The following PAQR3 variants were observed in gnomAD, a reference collection of about 807,000 sequenced individuals.
The protein encoded by PAQR3 is progestin and adipoQ receptor family member 3.
A neutral mutation model predicts 41.7 loss-of-function variants in PAQR3; 39 were observed. That is an observed-to-expected ratio of 0.93 (90% CI 0.72 to 1.22). PAQR3 has a LOEUF of 1.22. PAQR3 is among the 50% of genes most tolerant of loss of function. The pLI is 0.00. For missense variants in PAQR3, 366 were observed against 385.6 expected (o/e 0.95, Z 0.42); for synonymous variants, 140 against 140.6 (o/e 1.00, Z 0.03).
intron 11 of PAQR3, among the ~76,000 whole-genome samples, chr4:78,899,875 C>T (rs1420294979): frequency 2.6e-5 from 4 of 151,994 alleles, no homozygotes; most frequent in Non-Finnish European, 5.9e-5. Flanking sequence ...TCCAAGAGTC[C>T]AGCTGTGCTG....
chr4:78,930,018 G>A (rs1362685836), intron 3 of PAQR3, 152 bp downstream of exon 3: 3 of 610,526 alleles, frequency 4.9e-6, no homozygotes, highest in Admixed American at 3.7e-5. Context: ...AGATGACAGG[G>A]CCATTCTGAA....
At chr4:78,938,929 G>C in intron 1 of PAQR3, 111 bp downstream of exon 1, 1 of 1,057,444 alleles carries the variant, frequency 9.5e-7, no homozygotes. Context: ...AGGATGGGGC[G>C]GCGAGGAAAT....
At chr4:78,910,430 C>G (rs535978780), downstream of PAQR3, among the ~76,000 whole-genome samples, 1 of 152,304 alleles carries the variant, frequency 6.6e-6, no homozygotes, top group Middle Eastern at 3.4e-3. Context: ...ACTTAACTAT[C>G]TACCTGAGGT....
rs1344765108 is a variant in PAQR3 at position 78,915,497 on chromosome 4, T to C, written c.*5042A>G. ...TTTTTTCTTTTTAGCAAACTTGTTA[T>C]TTTAGGTCCAATTATTGAGTTGACA... On this transcript the variant is annotated 3_prime_UTR_variant, in exon 6 of 6. Coordinates refer to ENST00000512733, the MANE Select transcript of PAQR3 (RefSeq NM_001040202.2). 1.3e-5 allele frequency: 2 copies of C among 151,940 alleles called. No homozygotes were observed. The highest frequency in any genetic ancestry group is 3.8e-4 in the East Asian group (2 of 5,206). The allele number at this position is 151,940 out of a possible 1,614,324, so 9.4% of individuals were successfully genotyped here. A position where few individuals can be genotyped will look rare whatever the true frequency, so the allele number is the denominator to read the frequency against.
rs769947806 is a variant in PAQR3, at chr4:78,930,309, G to A, written c.365C>T (p.Ser122Phe). Residue 122 changes from serine (S) to phenylalanine (F), a missense_variant, in exon 3 of 6, where the codon TCT becomes TTT. Ser to Phe is a radical substitution (Grantham distance 155). Transcript: ENST00000512733. Reference sequence around the variant, plus strand: ...GCAGGAAAAAAGATGATAGCCCACAGAGCAAAGCATACAGACCTGTGAAAA... The same window carrying A: ...GCAGGAAAAAAGATGATAGCCCACAAAGCAAAGCATACAGACCTGTGAAAA... ...LFCFQVCMLC[S>F]VGYHLFSCHR... 9 of 1,612,772 alleles carry A rather than the reference G, an allele frequency of 5.6e-6. No individual in the cohort carries two copies. Among genetic ancestry groups the A allele is most frequent in the Non-Finnish European group, 5.9e-6 (7 of 1,179,628 alleles).
intron 11 of PAQR3, chr4:78,899,016 C>T (rs1419516407): frequency 1.3e-5 from 2 of 152,562 alleles, no homozygotes; most frequent in East Asian, 1.9e-4. Flanking sequence ...AGGGGGACCA[C>T]CAGGTTGCCT....
At position 78,926,890 on chromosome 4, in the gene PAQR3, G is replaced by C. The variant is rs144326143; in HGVS notation, c.505-172C>G. ...TATGTTCCATACAACTTTTAGGTTT[G>C]TCAGAATGACAAACCAAATTCTAAA... On this transcript the variant is annotated intron_variant, in intron 3 of 5. Transcript: ENST00000512733. 1.4e-3 allele frequency among the ~76,000 whole-genome samples: 208 copies of C among 152,180 alleles called. 1 individual carries two copies. The highest frequency in any genetic ancestry group is 4.6e-3 in the African/African-American group (191 of 41,514).
intron 5 of PAQR3, chr4:78,922,230 T>G: frequency 8.3e-7 from 1 of 1,202,152 alleles, no homozygotes; most frequent in Non-Finnish European, 1.1e-6. Context: ...CAAATCCTCA[T>G]GTTTACAACG....
intron 2 of PAQR3, among the ~76,000 whole-genome samples, chr4:78,931,193 A>T (rs1056759832): frequency 6.7e-6 from 1 of 149,242 alleles, no homozygotes; most frequent in African/African-American, 2.5e-5. Flanking sequence ...CTTAAAAAAA[A>T]AAAAAAAAAA....
intron 5 of PAQR3, among the ~76,000 whole-genome samples, chr4:78,921,008 TGA>T (rs537942748): frequency 1.1e-3 from 167 of 152,026 alleles, no homozygotes; most frequent in African/African-American, 3.5e-3. Context: ...AAAAAATTAT[TGA>T]GAGAGGCAAA....
intron 11 of PAQR3, among the ~76,000 whole-genome samples, chr4:78,888,845 GT>G (rs751931449): frequency 7.9e-5 from 12 of 152,098 alleles, no homozygotes; most frequent in Non-Finnish European, 1.6e-4. Flanking sequence ...ACCTAATACT[GT>G]TCATTGAATG....
chr4:78,930,383 A>C (rs1413384347), intron 2 of PAQR3, 58 bp from the exon 3 acceptor site: 25 of 1,527,278 alleles, frequency 1.6e-5, no homozygotes, highest in Non-Finnish European at 2.1e-5. Flanking sequence ...CAACTTATGC[A>C]TGATATTCAG....
At position 78,918,224 on chromosome 4, in the gene PAQR3, G is replaced by C; in HGVS notation, c.*2315C>G. On this transcript the variant is annotated 3_prime_UTR_variant, in exon 6 of 6. Transcript: ENST00000512733. The stretch of plus-strand genomic sequence containing the variant: ...CCAGTCTTTTTTAGTAATAAAACTG[G>C]ATAGTATATTTTAATCTTACTTTAA... 1 of 831,684 alleles carries C rather than the reference G, an allele frequency of 1.2e-6. No individual in the cohort carries two copies. The highest frequency in any genetic ancestry group is 1.4e-6 in the Non-Finnish European group (1 of 728,250). The allele number at this position is 831,684 out of a possible 1,614,324, so 51.5% of individuals were successfully genotyped here.
intron 4 of PAQR3, among the ~76,000 whole-genome samples, chr4:78,924,296 G>T (rs1735971881): frequency 6.6e-6 from 1 of 152,092 alleles, no homozygotes; most frequent in Non-Finnish European, 1.5e-5. Context: ...GGCTGGAAAA[G>T]ACCTAAGGGG....
chr4:78,928,172 T>C (rs1736441651), intron 3 of PAQR3, among the ~76,000 whole-genome samples: 1 of 152,226 alleles, frequency 6.6e-6, no homozygotes, highest in African/African-American at 2.4e-5. Flanking sequence ...GAAAACAGTT[T>C]CAGAGAAATA....
In PAQR3 at chr4:78,933,108, C is replaced by T. The variant is rs115939266; in HGVS notation, c.348+2013G>A. The T allele has an allele frequency of 1.7e-3, 761 of 453,956 alleles. 3 individuals carry two copies. Among genetic ancestry groups the T allele is most frequent in the African/African-American group, 0.014 (687 of 50,130 alleles). The allele number at this position is 453,956 out of a possible 1,614,324, so 28.1% of individuals were successfully genotyped here. ...TCCAGAAAGTGCTAAGAAAGTGTGT[C>T]TTGCTTCTTTTTTCCTGCTTAAATG... On this transcript the variant is annotated intron_variant, in intron 2 of 5. Transcript: ENST00000512733.
In PAQR3 at chr4:78,923,975, G is replaced by T. The variant is rs565119135; in HGVS notation, c.703-28C>A. On this transcript the variant is annotated intron_variant, in intron 4 of 5. Coordinates refer to ENST00000512733, the MANE Select transcript of PAQR3 (RefSeq NM_001040202.2). ...GAAAAGCAGAACATGTTTTTTTACA[G>T]ATCTTCCTACTGTTACTGAACTCTA... The T allele has an allele frequency of 3.6e-5, 53 of 1,484,066 alleles. No individual in the cohort carries two copies. The African/African-American group carries it at 6.2e-4, about 17-fold the overall frequency. 91.9% of individuals were successfully genotyped at this position (1,484,066 alleles called of 1,614,324 possible).
At chr4:78,933,183 A>G (rs1485144255) in intron 2 of PAQR3, 1 of 456,172 alleles carries the variant, frequency 2.2e-6, no homozygotes, top group Admixed American at 2.3e-5. Context: ...TGACCTTTAT[A>G]CCAGGTTGGT....
intron 2 of PAQR3, among the ~76,000 whole-genome samples, chr4:78,932,189 A>C (rs934654085): frequency 4.6e-5 from 7 of 152,194 alleles, no homozygotes; most frequent in African/African-American, 1.7e-4. Context: ...GTACTTTGCC[A>C]CAACTTCATT....
Sources: allele counts gnomAD v4.1 joint callset (sites outside exome capture counted in the v4.1 genomes callset), GRCh38; gene constraint gnomAD v4.1.1; transcripts MANE v1.5; gene names NCBI Gene and HGNC (gene_info 2026-07-23, HGNC 2026-07-21).